SULT4A1: variants seen among roughly 807,000 people sequenced by gnomAD.
SULT4A1 encodes the protein sulfotransferase 4A1.
In SULT4A1, 11 loss-of-function variants were observed where a neutral mutation model predicts 35.2. The ratio of observed to expected loss-of-function variants is 0.31; its 90% confidence interval spans 0.20 to 0.52. The LOEUF is 0.52. SULT4A1 is among the 20% of genes least tolerant of loss of function. The pLI, the probability that SULT4A1 is intolerant of heterozygous loss-of-function variation, is 0.97. For missense variants in SULT4A1, 271 were observed against 383.7 expected (o/e 0.71, Z 2.45); for synonymous variants, 152 against 151.8 (o/e 1.00, Z -0.01).
intron 6 of SULT4A1, 154 bp from the exon 7 acceptor site, chr22:43,826,267 C>T: frequency 1.0e-6 from 1 of 985,444 alleles, no homozygotes; most frequent in South Asian, 4.7e-5. Flanking sequence ...GTCTGAGCTA[C>T]AGACCAGGTG....
At chr22:43,859,857 T>C (rs1376299246) in intron 1 of SULT4A1, among the ~76,000 whole-genome samples, 1 of 152,178 alleles carries the variant, frequency 6.6e-6, no homozygotes, top group Admixed American at 6.5e-5. Flanking sequence ...CCACTTTTAT[T>C]TCATTTTAAT....
At chr22:43,848,422 C>A (rs138086) in intron 1 of SULT4A1, among the ~76,000 whole-genome samples, 128,378 of 152,272 alleles carry the variant, frequency 0.84, 54,426 homozygotes, top group East Asian at 0.99. Flanking sequence ...AGCACAGGAC[C>A]GGACCCTCCT....
At chr22:43,859,491 C>T (rs1033518863) in intron 1 of SULT4A1, among the ~76,000 whole-genome samples, 3 of 152,240 alleles carry the variant, frequency 2.0e-5, no homozygotes. Flanking sequence ...CCCTCGGGGA[C>T]GAGCACCCAA....
chr22:43,852,346 TTG>T (rs1491571170), intron 1 of SULT4A1, among the ~76,000 whole-genome samples: 1 of 119,922 alleles, frequency 8.3e-6, no homozygotes, highest in African/African-American at 2.6e-5. Context: ...TTTTTTTTTG[TTG>T]TTTTTTTTTT....
intron 4 of SULT4A1, among the ~76,000 whole-genome samples, chr22:43,836,866 C>T (rs947682170): frequency 6.6e-6 from 1 of 152,262 alleles, no homozygotes; most frequent in Non-Finnish European, 1.5e-5. Context: ...CCTGACACTG[C>T]AGGTGCCACA....
chr22:43,827,103 T>C, intron 6 of SULT4A1: 1 of 985,418 alleles, frequency 1.0e-6, no homozygotes, highest in Non-Finnish European at 1.2e-6. Context: ...ATTCCAAACT[T>C]CCCAGTTATG....
intron 6 of SULT4A1, 115 bp downstream of exon 6, chr22:43,828,945 G>A: frequency 8.2e-7 from 1 of 1,215,464 alleles, no homozygotes; most frequent in Non-Finnish European, 1.1e-6. Context: ...ACAGACTGCT[G>A]TAAAAGGAGA....
intron 1 of SULT4A1, among the ~76,000 whole-genome samples, chr22:43,845,902 T>C (rs1186026335): frequency 1.3e-5 from 2 of 152,154 alleles, no homozygotes; most frequent in African/African-American, 4.8e-5. Flanking sequence ...ACCATCCCCA[T>C]CACCCACCAC....
intron 1 of SULT4A1, among the ~76,000 whole-genome samples, chr22:43,858,983 C>G (rs992956938): frequency 1.3e-5 from 2 of 152,186 alleles, no homozygotes. Flanking sequence ...AGGCCATTTA[C>G]CTGACCCTGA....
At position 43,862,246 on chromosome 22, in the gene SULT4A1, C is replaced by T. The variant is rs1166668764; in HGVS notation, c.137G>A (p.Ser46Asn). 6.4e-7 allele frequency: 1 copy of T among 1,568,170 alleles called. No homozygotes were observed. ...EEIANFPVRP[S>N]DVWIVTYPKS... ...GGGGTAGGTGACGATCCACACGTCG[C>T]TGGGCCGCACCGGGAAGTTGGCGAT... The change falls in exon 1 of 7, where the codon AGC (serine) becomes AAC (asparagine). Residue 46 changes from serine (S) to asparagine (N), a missense_variant. Ser to Asn is a conservative substitution (Grantham distance 46, BLOSUM62 1). Coordinates refer to ENST00000330884, the MANE Select transcript of SULT4A1 (RefSeq NM_014351.4).
At chr22:43,835,383 C>T (rs978007710) in intron 4 of SULT4A1, among the ~76,000 whole-genome samples, 7 of 152,196 alleles carry the variant, frequency 4.6e-5, no homozygotes, top group Middle Eastern at 3.2e-3. Context: ...ACTGGGCAGT[C>T]GGGGGCTGGC....
At chr22:43,849,671 T>C (rs1273791649) in intron 1 of SULT4A1, among the ~76,000 whole-genome samples, 1 of 152,072 alleles carries the variant, frequency 6.6e-6, no homozygotes, top group Non-Finnish European at 1.5e-5. Context: ...TCATCAGCAA[T>C]AAAATCCCCC....
intron 5 of SULT4A1, among the ~76,000 whole-genome samples, chr22:43,829,883 C>T (rs2063313636): frequency 6.6e-6 from 1 of 152,172 alleles, no homozygotes; most frequent in Non-Finnish European, 1.5e-5. Flanking sequence ...GAGGCTGTTT[C>T]CTCTCTGGAA....
chr22:43,853,127 C>T (rs1446696524), intron 1 of SULT4A1, among the ~76,000 whole-genome samples: 2 of 151,790 alleles, frequency 1.3e-5, no homozygotes, highest in African/African-American at 4.8e-5. Context: ...ACACAGACCA[C>T]GTGCACTCAC....
intron 3 of SULT4A1, among the ~76,000 whole-genome samples, chr22:43,839,663 C>T (rs914151961): frequency 2.0e-5 from 3 of 152,220 alleles, no homozygotes; most frequent in Admixed American, 2.0e-4. Flanking sequence ...AAAGAGAATT[C>T]GGCCCAAAGC....
chr22:43,833,349 G>A (rs1218968565), intron 5 of SULT4A1, among the ~76,000 whole-genome samples: 1 of 151,958 alleles, frequency 6.6e-6, no homozygotes, highest in East Asian at 1.9e-4. Context: ...CCACTGTAAA[G>A]CACTCCAAAG....
chr22:43,827,185 T>C lies in SULT4A1; in HGVS notation c.743-1072A>G, dbSNP rs146414479. ...AACTGCTCGTTTAGAATTCTTTCCA[T>C]TGTCAGCTCTCTGAGATCAGAGCTC... On this transcript the variant is annotated intron_variant, in intron 6 of 6. Coordinates refer to ENST00000330884, the MANE Select transcript of SULT4A1 (RefSeq NM_014351.4). 1,504 of 985,438 alleles carry C rather than the reference T, an allele frequency of 1.5e-3. 12 individuals are homozygous for C. The African/African-American group carries it at 0.025, about 16-fold the overall frequency. 61.0% of individuals were successfully genotyped at this position (985,438 alleles called of 1,614,324 possible).
At chr22:43,827,073 T>C (rs571040621) in intron 6 of SULT4A1, 1 of 985,458 alleles carries the variant, frequency 1.0e-6, no homozygotes, top group African/African-American at 1.7e-5. Flanking sequence ...ACGGTGACCG[T>C]GAAGATGTCT....
chr22:43,854,629 C>G (rs946349650), intron 1 of SULT4A1, among the ~76,000 whole-genome samples: 1 of 152,170 alleles, frequency 6.6e-6, no homozygotes, highest in Non-Finnish European at 1.5e-5. Flanking sequence ...CCCACCTGGC[C>G]ACAGAGGAAC....
Sources: allele counts gnomAD v4.1 joint callset (sites outside exome capture counted in the v4.1 genomes callset), GRCh38; gene constraint gnomAD v4.1.1; transcripts MANE v1.5; gene names NCBI Gene and HGNC (gene_info 2026-07-23, HGNC 2026-07-21).